The following CFAP44 variants were observed in gnomAD, a reference collection of about 807,000 sequenced individuals.
CFAP44 encodes the protein cilia and flagella associated protein 44.
CFAP44 carries 134 observed loss-of-function variants against 216.2 expected under a neutral mutation model. The observed-to-expected ratio is 0.62, with a 90% confidence interval of 0.54 to 0.72. CFAP44 has a LOEUF of 0.72. Among genes scored for constraint, CFAP44 ranks in the 30% least tolerant of loss-of-function variants. The pLI, the probability that CFAP44 is intolerant of heterozygous loss-of-function variation, is 0.00. For synonymous variants in CFAP44, 700 were observed against 727.6 expected, an observed-to-expected ratio of 0.96 and a Z score of 0.61; for missense variants, 2,035 against 2,182.1, an observed-to-expected ratio of 0.93 and a Z score of 1.34.
At position 113,373,477 on chromosome 3, in the gene CFAP44, T is replaced by C. The variant is rs1933238531; in HGVS notation, c.2378A>G (p.Asp793Gly). The change falls in exon 18 of 35, where the codon GAT becomes GGT. Residue 793 changes from aspartate (D) to glycine (G), a missense_variant. This residue lies in a region of CFAP44 where 1,883 missense variants were observed against 2,023.7 expected (regional missense o/e 0.93). Coordinates refer to ENST00000393845, the MANE Select transcript of CFAP44 (RefSeq NM_001164496.2). ...DESSDFKEQKDEPIDVRYLAD... is the reference protein window; with the variant it reads ...DESSDFKEQKGEPIDVRYLAD... Reference sequence around the variant, plus strand: ...AAGATAACGGACATCAATAGGTTCATCTTTTTGTTCTTTGAAATCACTGCT... The same window carrying C: ...AAGATAACGGACATCAATAGGTTCACCTTTTTGTTCTTTGAAATCACTGCT... 6.2e-7 allele frequency: 1 copy of C among 1,609,898 alleles called. No individual in the cohort carries two copies. Among genetic ancestry groups the C allele is most frequent in the African/African-American group, 1.3e-5 (1 of 74,838 alleles).
intron 1 of CFAP44, among the ~76,000 whole-genome samples, chr3:113,436,585 C>T (rs565896573): frequency 1.2e-3 from 179 of 152,320 alleles, no homozygotes; most frequent in African/African-American, 4.1e-3. Flanking sequence ...GATGGTCTGA[C>T]AGTCGTGACT....
At chr3:113,342,729 C>T (rs951141405) in intron 23 of CFAP44, among the ~76,000 whole-genome samples, 3 of 152,032 alleles carry the variant, frequency 2.0e-5, no homozygotes, top group African/African-American at 7.2e-5. Flanking sequence ...TGGTGGCTCA[C>T]TCCCATAATC....
chr3:113,364,661 T>C (rs2107316099), intron 19 of CFAP44, among the ~76,000 whole-genome samples: 1 of 152,240 alleles, frequency 6.6e-6, no homozygotes, highest in East Asian at 1.9e-4. Context: ...TCCAATAAGG[T>C]TGAGTTAAAC....
chr3:113,309,774 G>A (rs1950021263), intron 28 of CFAP44, among the ~76,000 whole-genome samples: 3 of 152,170 alleles, frequency 2.0e-5, no homozygotes, highest in Admixed American at 2.0e-4. Context: ...TAGAACCTGA[G>A]GAACAACACT....
intron 28 of CFAP44, among the ~76,000 whole-genome samples, chr3:113,319,282 C>T (rs1950119497): frequency 1.3e-5 from 2 of 152,098 alleles, no homozygotes; most frequent in South Asian, 4.1e-4. Flanking sequence ...GCAGGAGTTG[C>T]TATTCTTATA....
chr3:113,345,481 G>C (rs898622130), intron 22 of CFAP44, among the ~76,000 whole-genome samples: 12 of 152,110 alleles, frequency 7.9e-5, no homozygotes, highest in African/African-American at 2.9e-4. Context: ...TTGAGCAGTT[G>C]AATAAAAGTG....
chr3:113,373,688 CTA>C (rs1933245673), intron 17 of CFAP44, 132 bp from the exon 18 acceptor site: 1 of 707,456 alleles, frequency 1.4e-6, no homozygotes. Flanking sequence ...TACATAATTT[CTA>C]TGATTATAGA....
At chr3:113,403,357 A>C (rs1171804827) in intron 9 of CFAP44, among the ~76,000 whole-genome samples, 1 of 152,238 alleles carries the variant, frequency 6.6e-6, no homozygotes, top group Non-Finnish European at 1.5e-5. Context: ...TTTGGGCAAG[A>C]GAGTGTCCCC....
chr3:113,328,389 C>T (rs1466625956), intron 26 of CFAP44, among the ~76,000 whole-genome samples: 1 of 151,104 alleles, frequency 6.6e-6, no homozygotes, highest in African/African-American at 2.4e-5. Context: ...GACTTTAATC[C>T]ATTATGGTCC....
In CFAP44 at chr3:113,327,414, A is replaced by ATTTACT. The variant is rs199684213; in HGVS notation, c.4320+201_4320+202insAGTAAA. Among the ~76,000 whole-genome samples, 1,322 of 152,314 alleles carry ATTTACT rather than the reference A, an allele frequency of 8.7e-3. 16 individuals are homozygous for ATTTACT. The highest frequency in any genetic ancestry group is 0.022 in the African/African-American group (897 of 41,560). Reference sequence around the variant, plus strand: ...CAGAATATCAGACCAAATTTACTAAAAAATCTGAATCATTTCTCTTTGACC... The same window carrying ATTTACT: ...CAGAATATCAGACCAAATTTACTAAATTTACTAAATCTGAATCATTTCTCTTTGACC... On this transcript the variant is annotated intron_variant, in intron 27 of 34. Transcript: ENST00000393845.
chr3:113,381,051 T>C lies in CFAP44; in HGVS notation c.1900A>G (p.Thr634Ala). The C allele has an allele frequency of 2.6e-6, 4 of 1,561,502 alleles. No homozygotes were observed. The highest frequency in any genetic ancestry group is 3.5e-6 in the Non-Finnish European group (4 of 1,159,196). Residue 634 changes from threonine to alanine, a missense_variant, in exon 16 of 35, where the codon ACT becomes GCT. Physicochemically the swap from Thr to Ala is moderately conservative, Grantham distance 58. Around this residue, in one of 3 missense-constraint regions of CFAP44, gnomAD observed 1,883 missense variants for 2,023.7 expected, o/e 0.93. Transcript: ENST00000393845. ...MWSPMSHPESTLLIICENGYI... is the reference protein window; with the variant it reads ...MWSPMSHPESALLIICENGYI... ...CCATTTTCACAGATAATTAGTAAAG[T>C]ACTTTCAGGCTAAAAAAGAAAAATT...
chr3:113,351,885 A>G (rs111590992), intron 22 of CFAP44, among the ~76,000 whole-genome samples: 5,450 of 152,322 alleles, frequency 0.036, 306 homozygotes, highest in African/African-American at 0.12. Context: ...AATGAGTTCA[A>G]CTACCAACTT....
At chr3:113,328,977 G>C (rs1431803028) in intron 26 of CFAP44, among the ~76,000 whole-genome samples, 2 of 152,090 alleles carry the variant, frequency 1.3e-5, no homozygotes, top group African/African-American at 4.8e-5. Flanking sequence ...ATCTATCAGT[G>C]TCCCTGCATA....
chr3:113,389,959 G>C (rs1056888399), intron 15 of CFAP44, among the ~76,000 whole-genome samples: 3 of 151,888 alleles, frequency 2.0e-5, no homozygotes, highest in African/African-American at 7.2e-5. Context: ...AAACTATTAT[G>C]AAAAATGAGG....
chr3:113,345,641 A>T (rs552831406), intron 22 of CFAP44, among the ~76,000 whole-genome samples: 4 of 152,316 alleles, frequency 2.6e-5, no homozygotes, highest in Admixed American at 2.6e-4. Flanking sequence ...TCTTTCTCTC[A>T]TAGCCCACAG....
intron 5 of CFAP44, among the ~76,000 whole-genome samples, chr3:113,418,792 A>C (rs939744200): frequency 1.3e-5 from 2 of 151,692 alleles, no homozygotes; most frequent in African/African-American, 2.4e-5. Context: ...TGCAACCTCC[A>C]CTTCCCAAGT....
chr3:113,393,532 T>C (rs1933902128), intron 15 of CFAP44, among the ~76,000 whole-genome samples: 1 of 151,976 alleles, frequency 6.6e-6, no homozygotes, highest in South Asian at 2.1e-4. Flanking sequence ...CCCTCTTTTG[T>C]TTGTTTGTTT....
intron 6 of CFAP44, among the ~76,000 whole-genome samples, chr3:113,415,841 T>C (rs1033725537): frequency 6.6e-6 from 1 of 152,166 alleles, no homozygotes; most frequent in Non-Finnish European, 1.5e-5. Context: ...TTCTGTAGAT[T>C]TGGAGTAGGG....
At chr3:113,378,312 T>C (rs1450333089) in intron 17 of CFAP44, among the ~76,000 whole-genome samples, 1 of 152,178 alleles carries the variant, frequency 6.6e-6, no homozygotes, top group Non-Finnish European at 1.5e-5. Context: ...ATAGTAGCCA[T>C]TTACAATTGT....
Sources: allele counts gnomAD v4.1 joint callset (sites outside exome capture counted in the v4.1 genomes callset), GRCh38; gene constraint gnomAD v4.1.1; regional missense constraint gnomAD v4.1.1; transcripts MANE v1.5; gene names NCBI Gene and HGNC (gene_info 2026-07-23, HGNC 2026-07-21).